KDM1B: variants seen among roughly 807,000 people sequenced by gnomAD.
The protein encoded by KDM1B is lysine-specific histone demethylase 2.
KDM1B carries 63 observed loss-of-function variants against 107.4 expected under a neutral mutation model. The ratio of observed to expected loss-of-function variants is 0.59; its 90% CI spans 0.48 to 0.72. KDM1B has a LOEUF of 0.72. Ranked by LOEUF, KDM1B falls within the 30% of genes least tolerant of loss-of-function variation. The pLI, the probability that KDM1B is intolerant of heterozygous loss-of-function variation, is 0.00. For missense variants in KDM1B, 749 were observed against 1,020.8 expected (o/e 0.73, Z 3.63); for synonymous variants, 363 against 363.9 (o/e 1.00, Z 0.03).
intron 15 of KDM1B, among the ~76,000 whole-genome samples, chr6:18,206,766 T>C (rs1363671754): frequency 6.6e-6 from 1 of 152,052 alleles, no homozygotes; most frequent in East Asian, 1.9e-4. Context: ...GCAGAGGGCC[T>C]TGGGTCATTT....
chr6:18,200,438 G>A lies in KDM1B; in HGVS notation c.1222-1G>A. 2 of 1,613,112 alleles carry A rather than the reference G, an allele frequency of 1.2e-6. No individual in the cohort carries two copies. Among genetic ancestry groups the A allele is most frequent in the Non-Finnish European group, 1.7e-6 (2 of 1,179,636 alleles). ...GCTTCCCTGACTGTCTGTCTTTTTA[G>A]GTGACTGTCCTGGAAGCCAAAGACA... is the stretch of plus-strand genomic sequence containing the variant. On this transcript the variant is annotated splice_acceptor_variant, in intron 12 of 21. Coordinates refer to ENST00000650836, the MANE Select transcript of KDM1B (RefSeq NM_001364614.2). LOFTEE classifies it high-confidence loss of function. This position sits in a 1 kb window ranked among gnomAD's most constrained non-coding sequence, Gnocchi z 4.3.
chr6:18,210,366 T>TTTG (rs1788773822), intron 17 of KDM1B, among the ~76,000 whole-genome samples: 2 of 88,132 alleles, frequency 2.3e-5, no homozygotes, highest in Non-Finnish European at 4.7e-5. Flanking sequence ...TTTTTTTTTT[T>TTTG]TTTTTTGTTT....
At chr6:18,193,453 C>T (rs1248587538) in intron 10 of KDM1B, among the ~76,000 whole-genome samples, 6 of 150,702 alleles carry the variant, frequency 4.0e-5, no homozygotes, top group African/African-American at 1.2e-4. Flanking sequence ...ACCACAGGCA[C>T]GTGCCACCAT....
rs1786842943 is a variant in KDM1B at position 18,186,229 on chromosome 6, C to T, written c.573+419C>T. On this transcript the variant is annotated intron_variant, in intron 8 of 21. Coordinates refer to ENST00000650836, the MANE Select transcript of KDM1B (RefSeq NM_001364614.2). The surrounding 1 kb of genome is among the most constrained non-coding windows in gnomAD (Gnocchi z 5.6). ...GGAGTGTTCTTATGCATTCTGACCT[C>T]AGCATGTTGGCTTTGTCCTGTCCTC... 6.6e-6 allele frequency among the ~76,000 whole-genome samples: 1 copy of T among 152,184 alleles called. No individual in the cohort carries two copies. The highest frequency in any genetic ancestry group is 2.4e-5 in the African/African-American group (1 of 41,442).
At chr6:18,215,560 TTAAAG>T (rs1789157489) in intron 20 of KDM1B, among the ~76,000 whole-genome samples, 2 of 152,124 alleles carry the variant, frequency 1.3e-5, no homozygotes, top group African/African-American at 4.8e-5. Context: ...CGACCTCACT[TTAAAG>T]TAATTACCCA....
intron 2 of KDM1B, among the ~76,000 whole-genome samples, chr6:18,156,869 A>G (rs866222361): frequency 5.3e-5 from 8 of 152,104 alleles, no homozygotes; most frequent in African/African-American, 1.9e-4. Context: ...GTGAGCCGAG[A>G]TCGCACCACT....
intron 10 of KDM1B, among the ~76,000 whole-genome samples, chr6:18,194,919 C>G (rs1787543891): frequency 6.6e-6 from 1 of 152,138 alleles, no homozygotes; most frequent in South Asian, 2.1e-4. Flanking sequence ...AGAGGGAACC[C>G]TATACCAATT....
At position 18,187,817 on chromosome 6, in the gene KDM1B, G is replaced by A; in HGVS notation, c.599G>A (p.Trp200Ter). 1 of 1,550,136 alleles carries A rather than the reference G, an allele frequency of 6.5e-7. No individual in the cohort carries two copies. Among genetic ancestry groups the A allele is most frequent in the Non-Finnish European group, 8.7e-7 (1 of 1,146,666 alleles). ...AGAGTATTGGAAGTTTCCAACCATT[G>A]GTGGTACTCTATGCTCATCCTACCT... ...DLRVLEVSNH[W>*]WYSMLILPPL... Residue 200 changes from tryptophan (W) to a stop codon, truncating the protein, a stop_gained, in exon 9 of 22, where the codon TGG becomes TAG. Transcript: ENST00000650836. LOFTEE classifies it high-confidence loss of function.
chr6:18,211,949 GTT>G lies in KDM1B; in HGVS notation c.1867-524_1867-523del, dbSNP rs1164736109. ...CTCAAGTACTGCTTTTCGGGGTTTT[GTT>G]TTTTTTTTTTTTTTGAGACAGTCTC... On this transcript the variant is annotated intron_variant, in intron 17 of 21. Coordinates refer to ENST00000650836, the MANE Select transcript of KDM1B (RefSeq NM_001364614.2). The surrounding 1 kb of genome is among the most constrained non-coding windows in gnomAD (Gnocchi z 5.2). The G allele has an allele frequency of 3.1e-3, 416 of 135,316 alleles. 4 individuals carry two copies. The highest frequency in any genetic ancestry group is 9.3e-3 in the African/African-American group (337 of 36,364). 8.4% of individuals were successfully genotyped at this position (135,316 alleles called of 1,614,324 possible).
chr6:18,195,594 G>T (rs1236904852), intron 10 of KDM1B, among the ~76,000 whole-genome samples: 2 of 151,936 alleles, frequency 1.3e-5, no homozygotes, highest in East Asian at 3.9e-4. Flanking sequence ...AATTAGCCGG[G>T]CTTGGTGGTA....
In KDM1B at chr6:18,159,837, A is replaced by G. The variant is rs1381674828; in HGVS notation, c.-13-46A>G. On this transcript the variant is annotated intron_variant, in intron 2 of 21. Transcript: ENST00000650836. This position sits in a 1 kb window ranked among gnomAD's most constrained non-coding sequence, Gnocchi z 4.5. ...AATAACTTGCTCCAGACTGTTAAAA[A>G]TATTTGCAGATGCTAATATTTAATG... 3.0e-6 allele frequency: 3 copies of G among 1,003,688 alleles called. No individual in the cohort carries two copies. Among genetic ancestry groups the G allele is most frequent in the African/African-American group, 1.6e-5 (1 of 62,830 alleles). 62.2% of individuals were successfully genotyped at this position (1,003,688 alleles called of 1,614,324 possible).
chr6:18,182,115 G>A (rs1786521708), intron 7 of KDM1B, among the ~76,000 whole-genome samples: 2 of 152,034 alleles, frequency 1.3e-5, no homozygotes, highest in South Asian at 4.2e-4. Context: ...GGCCTCAGAG[G>A]TGTCAGATTC....
intron 2 of KDM1B, among the ~76,000 whole-genome samples, chr6:18,158,946 G>A (rs1784801435): frequency 6.6e-6 from 1 of 152,096 alleles, no homozygotes; most frequent in African/African-American, 2.4e-5. Flanking sequence ...TTGTTGAGTT[G>A]TACTGAAAAG....
At chr6:18,202,091 A>G (rs140826468) in intron 14 of KDM1B, among the ~76,000 whole-genome samples, 326 of 152,204 alleles carry the variant, frequency 2.1e-3, no homozygotes, top group Middle Eastern at 0.014. Context: ...TAAGAATGCA[A>G]GAGTATTACA....
intron 9 of KDM1B, among the ~76,000 whole-genome samples, chr6:18,189,026 C>T (rs554991072): frequency 6.6e-5 from 10 of 152,062 alleles, no homozygotes; most frequent in South Asian, 4.1e-4. Context: ...TCAAGTGATC[C>T]GCCCCCTTCA....
chr6:18,156,106 G>C (rs999116180), intron 2 of KDM1B, among the ~76,000 whole-genome samples, 180 bp downstream of exon 2: 11 of 152,164 alleles, frequency 7.2e-5, no homozygotes, highest in Non-Finnish European at 1.6e-4. Flanking sequence ...CGGCCGATAG[G>C]GTGCGGCCAG....
rs1306211931 is a variant in KDM1B at position 18,197,065 on chromosome 6, T to C, written c.978T>C (p.Leu326=). 1.2e-6 allele frequency: 2 copies of C among 1,606,146 alleles called. No individual in the cohort carries two copies. Among genetic ancestry groups the C allele is most frequent in the Admixed American group, 3.4e-5 (2 of 59,410 alleles). The change falls in exon 11 of 22, where the codon CTT becomes CTC. Residue 326 remains leucine, a synonymous_variant. Coordinates refer to ENST00000650836, the MANE Select transcript of KDM1B (RefSeq NM_001364614.2). The surrounding 1 kb of genome is among the most constrained non-coding windows in gnomAD (Gnocchi z 4.5). Reference sequence around the variant, plus strand: ...TTTATTTCCAAACACAGGAAGCTCTTACTCCTCAGAAATGTATTCCTCACA... The same window carrying C: ...TTTATTTCCAAACACAGGAAGCTCTCACTCCTCAGAAATGTATTCCTCACA... The part of the protein sequence containing the change: ...ALWYTNCKEA[L]TPQKCIPHII...
rs1377626696 is a variant in KDM1B at position 18,213,303 on chromosome 6, G to A, written c.1984-353G>A. Among the ~76,000 whole-genome samples the A allele has an allele frequency of 6.6e-6, 1 of 152,054 alleles. No homozygotes were observed. The highest frequency in any genetic ancestry group is 2.4e-5 in the African/African-American group (1 of 41,414). ...AATACAAAATTCGCTGGGCGTGGTG[G>A]TGTGCACCTGTAATCCCAGCTACTT... is the stretch of plus-strand genomic sequence containing the variant. On this transcript the variant is annotated intron_variant, in intron 18 of 21. Transcript: ENST00000650836. This position sits in a 1 kb window ranked among gnomAD's most constrained non-coding sequence, Gnocchi z 5.9.
chr6:18,198,260 G>A (rs973462370), intron 12 of KDM1B, among the ~76,000 whole-genome samples: 124 of 151,978 alleles, frequency 8.2e-4, no homozygotes, highest in Non-Finnish European at 4.0e-4. Context: ...GCCCGTTTCC[G>A]CAGTAGTTTG....
Sources: allele counts gnomAD v4.1 joint callset (sites outside exome capture counted in the v4.1 genomes callset), GRCh38; gene constraint gnomAD v4.1.1; non-coding constraint Gnocchi (gnomAD v3.1); transcripts MANE v1.5; gene names NCBI Gene and HGNC (gene_info 2026-07-23, HGNC 2026-07-21).